ETV6: variants seen among roughly 807,000 people sequenced by gnomAD.
ETV6 encodes the protein ETS variant transcription factor 6.
In ETV6, 16 loss-of-function variants were observed where a neutral mutation model predicts 51.1. The observed-to-expected ratio is 0.31, with a 90% CI of 0.21 to 0.48. ETV6 has a LOEUF of 0.48. ETV6 is among the 20% of genes least tolerant of loss of function. The pLI is 0.99. For missense variants in ETV6, 458 were observed against 594.8 expected (o/e 0.77, Z 2.39); for synonymous variants, 240 against 224.1 (o/e 1.07, Z -0.64).
At chr12:11,789,619 G>A (rs190758234) in intron 2 of ETV6, among the ~76,000 whole-genome samples, 47 of 152,190 alleles carry the variant, frequency 3.1e-4, no homozygotes, top group Non-Finnish European at 5.3e-4. Flanking sequence ...GAGACCTTGC[G>A]TGTCTGAAGA....
At chr12:11,690,744 G>A (rs1000085786) in intron 1 of ETV6, among the ~76,000 whole-genome samples, 4 of 151,904 alleles carry the variant, frequency 2.6e-5, no homozygotes, top group South Asian at 2.1e-4. Context: ...AAAATTAGCC[G>A]GGTGTGGTGG....
chr12:11,751,417 C>CAATGTAA (rs1866025067), intron 1 of ETV6: 1 of 518,908 alleles, frequency 1.9e-6, no homozygotes, highest in African/African-American at 1.9e-5. Context: ...TTCCATTTTA[C>CAATGTAA]ATTGCCCAGT....
intron 2 of ETV6, among the ~76,000 whole-genome samples, chr12:11,797,543 G>A (rs761382232): frequency 6.6e-6 from 1 of 152,184 alleles, no homozygotes; most frequent in Non-Finnish European, 1.5e-5. Flanking sequence ...AACCAAGATA[G>A]GCATCCCATT....
intron 2 of ETV6, among the ~76,000 whole-genome samples, chr12:11,810,143 C>T (rs1299426125): frequency 6.6e-6 from 1 of 152,068 alleles, no homozygotes; most frequent in East Asian, 1.9e-4. Context: ...TACTTGAGAC[C>T]TCTGTGAGCT....
chr12:11,698,367 C>G (rs1294484669), intron 1 of ETV6, among the ~76,000 whole-genome samples: 1 of 152,220 alleles, frequency 6.6e-6, no homozygotes, highest in Non-Finnish European at 1.5e-5. Flanking sequence ...ACACAGTTTA[C>G]CTGGGTCATC....
At chr12:11,675,872 A>G (rs1388908713) in intron 1 of ETV6, among the ~76,000 whole-genome samples, 4 of 151,956 alleles carry the variant, frequency 2.6e-5, no homozygotes, top group African/African-American at 4.8e-5. Flanking sequence ...GAGAGAAGGA[A>G]AGGAAGGGAG....
chr12:11,853,916 C>T (rs1946594574), intron 4 of ETV6, among the ~76,000 whole-genome samples: 1 of 152,056 alleles, frequency 6.6e-6, no homozygotes. Context: ...GCACCAGGGA[C>T]CAGTTTTGTG....
intron 2 of ETV6, among the ~76,000 whole-genome samples, chr12:11,822,342 A>G (rs1301691744): frequency 1.3e-5 from 2 of 152,234 alleles, no homozygotes; most frequent in Non-Finnish European, 2.9e-5. Flanking sequence ...TGAAAGAAAC[A>G]GCAGATGTCA....
intron 2 of ETV6, among the ~76,000 whole-genome samples, chr12:11,755,204 G>C (rs11609711): frequency 0.12 from 18,552 of 152,216 alleles, 1,520 homozygotes; most frequent in East Asian, 0.3. Context: ...TGTTCTATCT[G>C]TTGTTGAATG....
At position 11,728,257 on chromosome 12, in the gene ETV6, GA is replaced by G. The variant is rs1405858402; in HGVS notation, c.34-24192del. On this transcript the variant is annotated intron_variant, in intron 1 of 7. Transcript: ENST00000396373. ...GTAAATTACAGGTGGATTATGCAGT[GA>G]CAAGCACTTTTATACCTCCTGTAAG... 2.0e-5 allele frequency among the ~76,000 whole-genome samples: 3 copies of G among 152,202 alleles called. No homozygotes were observed. The East Asian group carries it at 5.8e-4, about 29-fold the overall frequency.
intron 2 of ETV6, among the ~76,000 whole-genome samples, chr12:11,818,531 CAA>C (rs1221844259): frequency 3.0e-4 from 24 of 80,166 alleles, no homozygotes; most frequent in Admixed American, 2.5e-4. Flanking sequence ...GACTCTGTCT[CAA>C]AAAAAAAAAA....
intron 1 of ETV6, among the ~76,000 whole-genome samples, chr12:11,717,600 C>T (rs567672345): frequency 1.2e-4 from 18 of 152,286 alleles, no homozygotes; most frequent in Admixed American, 9.8e-4. Flanking sequence ...ATAAAAGGCT[C>T]GACCTCATGC....
At chr12:11,783,304 A>G (rs994842074) in intron 2 of ETV6, among the ~76,000 whole-genome samples, 4 of 152,164 alleles carry the variant, frequency 2.6e-5, no homozygotes, top group Non-Finnish European at 5.9e-5. Flanking sequence ...CTGCCCAATC[A>G]GATGCTGCAT....
intron 4 of ETV6, among the ~76,000 whole-genome samples, chr12:11,867,492 T>C (rs1591733106): frequency 6.6e-6 from 1 of 152,234 alleles, no homozygotes. Flanking sequence ...AATAAGCCCT[T>C]TGCCTTCAAG....
At chr12:11,741,307 GT>G (rs1865804701) in intron 1 of ETV6, among the ~76,000 whole-genome samples, 1 of 152,198 alleles carries the variant, frequency 6.6e-6, no homozygotes, top group Non-Finnish European at 1.5e-5. Context: ...GGGAACAGTG[GT>G]TCCCCAATCT....
At chr12:11,803,633 A>G (rs1316483213) in intron 2 of ETV6, among the ~76,000 whole-genome samples, 2 of 152,240 alleles carry the variant, frequency 1.3e-5, no homozygotes, top group South Asian at 2.1e-4. Context: ...TAAGCTTTAA[A>G]TATAAAAATC....
chr12:11,659,512 C>T (rs1487817532), intron 1 of ETV6, among the ~76,000 whole-genome samples: 1 of 152,092 alleles, frequency 6.6e-6, no homozygotes, highest in African/African-American at 2.4e-5. Flanking sequence ...TCTCAGCTGC[C>T]CTGTCCCCTC....
chr12:11,891,526 T>C lies in ETV6; in HGVS notation c.*480T>C, dbSNP rs1947287026. The C allele has an allele frequency of 1.9e-6, 1 of 534,044 alleles. No homozygotes were observed. The highest frequency in any genetic ancestry group is 3.6e-6 in the Non-Finnish European group (1 of 275,206). The allele number at this position is 534,044 out of a possible 1,614,324, so 33.1% of individuals were successfully genotyped here. A position where few individuals can be genotyped will look rare whatever the true frequency, so the allele number is the denominator to read the frequency against. On this transcript the variant is annotated 3_prime_UTR_variant, in exon 8 of 8. Coordinates refer to ENST00000396373, the MANE Select transcript of ETV6 (RefSeq NM_001987.5). ...CCAGCTGGTCAGGAAAGAGAATACT[T>C]GCAGAGGGGTTCAGGTTCCTCTTTT...
chr12:11,832,984 A>G (rs990697555), intron 2 of ETV6, among the ~76,000 whole-genome samples: 1 of 152,266 alleles, frequency 6.6e-6, no homozygotes, highest in African/African-American at 2.4e-5. Context: ...GTGAAATTAC[A>G]GAGTATAGAT....
Sources: allele counts gnomAD v4.1 joint callset (sites outside exome capture counted in the v4.1 genomes callset), GRCh38; gene constraint gnomAD v4.1.1; transcripts MANE v1.5; gene names NCBI Gene and HGNC (gene_info 2026-07-23, HGNC 2026-07-21).